The following ARHGEF15 variants were observed in gnomAD, a reference collection of about 807,000 sequenced individuals.
The protein encoded by ARHGEF15 is Rho guanine nucleotide exchange factor 15, also known as Rho guanine nucleotide exchange factor (GEF) 15.
ARHGEF15 carries 58 observed loss-of-function variants against 79.7 expected under a neutral mutation model. The ratio of observed to expected loss-of-function variants is 0.73; its 90% CI spans 0.59 to 0.91. The LOEUF (loss-of-function observed/expected upper bound fraction) is 0.91, where lower values mean the gene tolerates loss of function less well. Among genes scored for constraint, ARHGEF15 ranks in the 40% least tolerant of loss-of-function variants. The pLI, the probability that ARHGEF15 is intolerant of heterozygous loss-of-function variation, is 0.00. For missense variants in ARHGEF15, 1,012 were observed against 1,108.1 expected, an observed-to-expected ratio of 0.91 and a Z score of 1.23; for synonymous variants, 442 against 456.0, an observed-to-expected ratio of 0.97 and a Z score of 0.39.
chr17:8,314,408 C>T (rs1161614580), intron 4 of ARHGEF15, among the ~76,000 whole-genome samples: 2 of 152,078 alleles, frequency 1.3e-5, no homozygotes, highest in Non-Finnish European at 2.9e-5. Context: ...AGATAAGGGG[C>T]TGCAGGTGCT....
Position 8,315,834 on chromosome 17 carries a change from G to A in ARHGEF15, c.1501G>A (p.Val501Met). The change falls in exon 8 of 16, where the codon GTG becomes ATG. Residue 501 changes from valine (V) to methionine (M), a missense_variant. Val to Met is a conservative substitution (Grantham distance 21, BLOSUM62 1). Around this residue, in one of 3 missense-constraint regions of ARHGEF15, gnomAD observed 818 missense variants for 882.5 expected, o/e 0.93. Coordinates refer to ENST00000361926, the MANE Select transcript of ARHGEF15 (RefSeq NM_173728.4). This position sits in a 1 kb window ranked among gnomAD's most constrained non-coding sequence, Gnocchi z 4.3. ...DLCDVVHAHA[V>M]GPFSVYVDYV... ...GTGTGATGTGGTGCATGCCCACGCT[G>A]TGGGGCCTTTCTCGGTGTATGTGGA... The A allele has an allele frequency of 6.2e-7, 1 of 1,613,062 alleles. No individual in the cohort carries two copies. Among genetic ancestry groups the A allele is most frequent in the Non-Finnish European group, 8.5e-7 (1 of 1,180,022 alleles).
Position 8,315,851 on chromosome 17 carries a change from G to A in ARHGEF15, c.1518G>A (p.Val506=), listed in dbSNP as rs1316492248. Residue 506 remains valine, a synonymous_variant, in exon 8 of 16, where the codon GTG becomes GTA. Coordinates refer to ENST00000361926, the MANE Select transcript of ARHGEF15 (RefSeq NM_173728.4). The surrounding 1 kb of genome is among the most constrained non-coding windows in gnomAD (Gnocchi z 4.3). ...VHAHAVGPFS[V]YVDYVRNQQY... Reference sequence around the variant, plus strand: ...CCCACGCTGTGGGGCCTTTCTCGGTGTATGTGGATTATGTGCGGAACCAGC... The same window carrying A: ...CCCACGCTGTGGGGCCTTTCTCGGTATATGTGGATTATGTGCGGAACCAGC... 26 of 1,612,448 alleles carry A rather than the reference G, an allele frequency of 1.6e-5. No homozygotes were observed. The highest frequency in any genetic ancestry group is 2.2e-5 in the Non-Finnish European group (26 of 1,180,010).
At position 8,318,783 on chromosome 17, in the gene ARHGEF15, G is replaced by T; in HGVS notation, c.1906G>T (p.Glu636Ter). 6.2e-7 allele frequency: 1 copy of T among 1,613,432 alleles called. No homozygotes were observed. ...LPLVSWSRRL[E>*]FQGELTELGC... is the part of the protein sequence containing the mutation. ...CCTGGTCTCCTGGTCACGGCGCCTG[G>T]AATTCCAGGGAGAGCTGACTGAGTT... Residue 636 changes from glutamate to a stop codon, truncating the protein, a stop_gained, in exon 12 of 16, where the codon GAA becomes TAA. Transcript: ENST00000361926. LOFTEE classifies it high-confidence loss of function. This position sits in a 1 kb window ranked among gnomAD's most constrained non-coding sequence, Gnocchi z 5.0.
rs33999460 is a variant in ARHGEF15 at position 8,319,945 on chromosome 17, CT to C, written c.2374+354del. 4.6e-3 allele frequency among the ~76,000 whole-genome samples: 643 copies of C among 140,378 alleles called. 3 individuals carry two copies. Among genetic ancestry groups the C allele is most frequent in the African/African-American group, 0.013 (501 of 37,656 alleles). 92.1% of individuals were successfully genotyped at this position (140,378 alleles called of 152,430 possible). A position where few individuals can be genotyped will look rare whatever the true frequency, so the allele number is the denominator to read the frequency against. ...TCTGGTGCCAGGCCTTATTTCTATT[CT>C]TTTTTTTTTTTAATGGAGGTGGGGG... On this transcript the variant is annotated intron_variant, in intron 15 of 15. Transcript: ENST00000361926.
chr17:8,320,893 T>G lies in ARHGEF15; in HGVS notation c.2426T>G (p.Val809Gly), dbSNP rs748756506. 3.1e-6 allele frequency: 5 copies of G among 1,613,614 alleles called. No individual in the cohort carries two copies. ...GAFPAQLVCE[V>G]TGEHERRRHL... ...TTCCCTGCCCAGCTGGTGTGTGAAGTCACAGGGGAACACGAAAGGAGGAGG... is the reference window on the plus strand; with the variant it reads ...TTCCCTGCCCAGCTGGTGTGTGAAGGCACAGGGGAACACGAAAGGAGGAGG... Residue 809 changes from valine (V) to glycine (G), a missense_variant, in exon 16 of 16, where the codon GTC becomes GGC. This residue lies in a region of ARHGEF15 where 132 missense variants were observed against 124.2 expected (regional missense o/e 1.06). Transcript: ENST00000361926.
In ARHGEF15 at chr17:8,316,086, C is replaced by T. The variant is rs367836441; in HGVS notation, c.1642C>T (p.Pro548Ser). 2.2e-5 allele frequency: 36 copies of T among 1,602,888 alleles called. No homozygotes were observed. The highest frequency in any genetic ancestry group is 2.8e-5 in the Non-Finnish European group (33 of 1,179,250). The change falls in exon 9 of 16, where the codon CCG becomes TCG. Residue 548 changes from proline to serine, a missense_variant. By Grantham distance (74) the Pro-to-Ser change is moderately conservative (BLOSUM62 -1). This residue lies in a region of ARHGEF15 where 818 missense variants were observed against 882.5 expected (regional missense o/e 0.93). Coordinates refer to ENST00000361926, the MANE Select transcript of ARHGEF15 (RefSeq NM_173728.4). The stretch of plus-strand genomic sequence containing the variant: ...GAGCCTCCCTAAGTGTGAGCGGCTC[C>T]CGCTGCCGTCCTTCCTGCTACTGCC... ...LQSLPKCERL[P>S]LPSFLLLPFQ...
chr17:8,319,444 G>A (rs538581962), intron 14 of ARHGEF15, 50 bp downstream of exon 14: 2 of 1,595,936 alleles, frequency 1.3e-6, no homozygotes, highest in East Asian at 2.2e-5. Context: ...AGTCTTAGAG[G>A]AATATGGGGG....
intron 4 of ARHGEF15, chr17:8,314,128 T>C (rs917115830): frequency 6.6e-6 from 1 of 152,118 alleles, no homozygotes; most frequent in African/African-American, 2.4e-5. Context: ...CGTGGGGATA[T>C]GATATTGTGA....
In ARHGEF15 at chr17:8,320,994, T is replaced by C; in HGVS notation, c.*1T>C. ...CACCCCCAATGCCCCCCCACCCTAATGCAGGCTGAGGAGGGGGCACATGTT... is the reference window on the plus strand; with the variant it reads ...CACCCCCAATGCCCCCCCACCCTAACGCAGGCTGAGGAGGGGGCACATGTT... On this transcript the variant is annotated 3_prime_UTR_variant, in exon 16 of 16. Coordinates refer to ENST00000361926, the MANE Select transcript of ARHGEF15 (RefSeq NM_173728.4). The C allele has an allele frequency of 6.2e-7, 1 of 1,613,880 alleles. No homozygotes were observed. The highest frequency in any genetic ancestry group is 1.6e-4 in the Middle Eastern group (1 of 6,062).
chr17:8,312,293 TCGACTCCCAGACTTCCC>T lies in ARHGEF15; in HGVS notation c.256_272del (p.Asp86ArgfsTer10). The T allele has an allele frequency of 7.1e-7, 1 of 1,409,372 alleles. No homozygotes were observed. Among genetic ancestry groups the T allele is most frequent in the Non-Finnish European group, 9.4e-7 (1 of 1,058,258 alleles). 87.3% of individuals were successfully genotyped at this position (1,409,372 alleles called of 1,614,324 possible). ...CCCCCCTCAGCTTCTAGAGCCAGCC[TCGACTCCCAGACTTCCC>T]CAGACTCACCTTCCAGCACCCCCAC... is the stretch of plus-strand genomic sequence containing the variant. On this transcript the variant is annotated frameshift_variant, in exon 2 of 16. Transcript: ENST00000361926. LOFTEE classifies it high-confidence loss of function.
rs765587333 is a variant in ARHGEF15 at position 8,316,089 on chromosome 17, C to T, written c.1645C>T (p.Leu549=). 1 of 1,603,306 alleles carries T rather than the reference C, an allele frequency of 6.2e-7. No individual in the cohort carries two copies. Among genetic ancestry groups the T allele is most frequent in the Non-Finnish European group, 8.5e-7 (1 of 1,179,316 alleles). The change falls in exon 9 of 16, where the codon CTG becomes TTG. Residue 549 remains leucine (L), a synonymous_variant. Coordinates refer to ENST00000361926, the MANE Select transcript of ARHGEF15 (RefSeq NM_173728.4). ...QSLPKCERLP[L]PSFLLLPFQR... is the part of the protein sequence containing the mutation. ...CCTCCCTAAGTGTGAGCGGCTCCCG[C>T]TGCCGTCCTTCCTGCTACTGCCCTT...
chr17:8,317,258 G>A (rs1457712772), intron 9 of ARHGEF15, among the ~76,000 whole-genome samples: 1 of 151,840 alleles, frequency 6.6e-6, no homozygotes, highest in African/African-American at 2.4e-5. Context: ...ACCATGCCCG[G>A]CTATTTATTA....
chr17:8,321,296 A>G lies in ARHGEF15; in HGVS notation c.*303A>G, dbSNP rs928640519. 3.7e-6 allele frequency: 1 copy of G among 273,598 alleles called. No individual in the cohort carries two copies. Among genetic ancestry groups the G allele is most frequent in the Admixed American group, 4.9e-5 (1 of 20,442 alleles). The allele number at this position is 273,598 out of a possible 1,614,324, so 16.9% of individuals were successfully genotyped here. ...AGTATTCCTGCTATGCTCAGGGCCA[A>G]GGAAGACAAATCTAGGTCATGGCAG... On this transcript the variant is annotated 3_prime_UTR_variant, in exon 16 of 16. Coordinates refer to ENST00000361926, the MANE Select transcript of ARHGEF15 (RefSeq NM_173728.4).
chr17:8,313,208 C>T lies in ARHGEF15; in HGVS notation c.888C>T (p.Pro296=). 1 of 1,607,244 alleles carries T rather than the reference C, an allele frequency of 6.2e-7. No homozygotes were observed. Among genetic ancestry groups the T allele is most frequent in the Non-Finnish European group, 8.5e-7 (1 of 1,179,970 alleles). Residue 296 remains proline (P), a synonymous_variant, in exon 3 of 16, where the codon CCC becomes CCT. Transcript: ENST00000361926. ...VRQDATIFGD[P]PQPDLDLLSE... Reference sequence around the variant, plus strand: ...AGGATGCCACCATTTTCGGGGACCCCCCACAGCCAGATCTTGATCTGCTTT... The same window carrying T: ...AGGATGCCACCATTTTCGGGGACCCTCCACAGCCAGATCTTGATCTGCTTT...
intron 9 of ARHGEF15, among the ~76,000 whole-genome samples, chr17:8,317,925 C>T (rs1421553337): frequency 5.3e-5 from 8 of 151,854 alleles, no homozygotes; most frequent in African/African-American, 1.7e-4. Context: ...AAAAATTAGT[C>T]GGGCGTGGTG....
rs886710341 is a variant in ARHGEF15 at position 8,321,796 on chromosome 17, A to C, written c.*803A>C. On this transcript the variant is annotated 3_prime_UTR_variant, in exon 16 of 16. Transcript: ENST00000361926. Reference sequence around the variant, plus strand: ...CTGGGTGTGGCTTGGCACCCAGGGGATGAGAGCCCTGAGCTTTGGGTCTCT... The same window carrying C: ...CTGGGTGTGGCTTGGCACCCAGGGGCTGAGAGCCCTGAGCTTTGGGTCTCT... The C allele has an allele frequency of 6.6e-6, 1 of 152,072 alleles. No homozygotes were observed. Among genetic ancestry groups the C allele is most frequent in the Non-Finnish European group, 1.5e-5 (1 of 68,016 alleles). 9.4% of individuals were successfully genotyped at this position (152,072 alleles called of 1,614,324 possible).
chr17:8,315,453 C>A lies in ARHGEF15; in HGVS notation c.1300C>A (p.Arg434Ser). The change falls in exon 7 of 16, where the codon CGC becomes AGC. Residue 434 changes from arginine (R) to serine (S), a missense_variant. Around this residue, in one of 3 missense-constraint regions of ARHGEF15, gnomAD observed 818 missense variants for 882.5 expected, o/e 0.93. Coordinates refer to ENST00000361926, the MANE Select transcript of ARHGEF15 (RefSeq NM_173728.4). The surrounding 1 kb of genome is among the most constrained non-coding windows in gnomAD (Gnocchi z 4.3). The part of the protein sequence containing the change: ...EVVTSEASYL[R>S]SLRLLTDTFV... Reference sequence around the variant, plus strand: ...GGTGACGTCCGAGGCTTCCTACCTGCGCTCCCTGCGGCTGCTGACCGACAC... The same window carrying A: ...GGTGACGTCCGAGGCTTCCTACCTGAGCTCCCTGCGGCTGCTGACCGACAC... 3 of 1,613,928 alleles carry A rather than the reference C, an allele frequency of 1.9e-6. No homozygotes were observed. The highest frequency in any genetic ancestry group is 2.5e-6 in the Non-Finnish European group (3 of 1,180,026).
At chr17:8,311,261 C>T (rs556099528) in intron 1 of ARHGEF15, among the ~76,000 whole-genome samples, 7 of 152,116 alleles carry the variant, frequency 4.6e-5, no homozygotes, top group East Asian at 1.9e-4. Flanking sequence ...CGCCCTGGCC[C>T]GACTGGTCCT....
At chr17:8,313,677 G>A in intron 4 of ARHGEF15, 122 bp downstream of exon 4, 1 of 1,013,588 alleles carries the variant, frequency 9.9e-7, no homozygotes, top group African/African-American at 1.6e-5. Flanking sequence ...CAAGGGCCAG[G>A]GCTCTAGAGA....
Sources: gnomAD v4.1 joint callset for allele counts (sites outside exome capture counted in the v4.1 genomes callset) on GRCh38, gnomAD v4.1.1 for gene constraint, gnomAD v4.1.1 regional missense constraint, Gnocchi (gnomAD v3.1) non-coding constraint, MANE v1.5 for transcripts, NCBI Gene and HGNC (gene_info 2026-07-23, HGNC 2026-07-21) for gene names.